NRXN3: variants seen among roughly 807,000 people sequenced by gnomAD.
NRXN3 encodes neurexin III.
A neutral mutation model predicts 137.6 loss-of-function variants in NRXN3; 32 were observed. That is an observed-to-expected ratio of 0.23 (90% confidence interval 0.18 to 0.31). The LOEUF is 0.31. Among genes scored for constraint, NRXN3 ranks in the 10% least tolerant of loss-of-function variants. NRXN3 has a pLI of 1.00. For missense variants in NRXN3, 1,574 were observed against 2,062.5 expected (o/e 0.76, Z 4.59); for synonymous variants, 798 against 784.5 (o/e 1.02, Z -0.29).
At chr14:79,225,013 G>A (rs1050384733) in intron 15 of NRXN3, among the ~76,000 whole-genome samples, 4 of 152,152 alleles carry the variant, frequency 2.6e-5, no homozygotes, top group African/African-American at 9.7e-5. Context: ...AGTCAAGGAG[G>A]CTGCTGAACC....
chr14:79,582,170 T>C (rs1052816638), intron 16 of NRXN3, among the ~76,000 whole-genome samples: 1 of 152,202 alleles, frequency 6.6e-6, no homozygotes, highest in African/African-American at 2.4e-5. Context: ...CTCAAATTCC[T>C]GAGTTCAAGC....
intron 20 of NRXN3, among the ~76,000 whole-genome samples, chr14:79,819,063 G>T (rs966392358): frequency 9.2e-5 from 14 of 152,168 alleles, no homozygotes; most frequent in African/African-American, 3.4e-4. Flanking sequence ...ATGAAAACTG[G>T]CAATACTGTA....
chr14:78,325,644 G>T, intron 4 of NRXN3, among the ~76,000 whole-genome samples: 1 of 151,878 alleles, frequency 6.6e-6, no homozygotes, highest in African/African-American at 2.4e-5. Flanking sequence ...AACATCCAGA[G>T]AACAGTTTGA....
At chr14:78,319,750 G>A (rs1007881696) in intron 4 of NRXN3, among the ~76,000 whole-genome samples, 5 of 152,152 alleles carry the variant, frequency 3.3e-5, no homozygotes, top group African/African-American at 1.2e-4. Flanking sequence ...CTCTGCAAAT[G>A]CAATGTTGGT....
intron 16 of NRXN3, among the ~76,000 whole-genome samples, chr14:79,480,011 A>T (rs933867291): frequency 6.6e-6 from 1 of 152,180 alleles, no homozygotes; most frequent in East Asian, 1.9e-4. Context: ...TAAAAACGCT[A>T]AATGATCTCA....
At chr14:78,806,742 G>A (rs2153088126) in intron 9 of NRXN3, among the ~76,000 whole-genome samples, 1 of 152,274 alleles carries the variant, frequency 6.6e-6, no homozygotes, top group African/African-American at 2.4e-5. Context: ...AAGTTGAGAG[G>A]TTGACTATTG....
chr14:79,377,166 AT>A (rs2094327573), intron 15 of NRXN3, among the ~76,000 whole-genome samples: 2 of 152,350 alleles, frequency 1.3e-5, no homozygotes, highest in African/African-American at 4.8e-5. Context: ...ATAGGAACAT[AT>A]GTGAAAAAGT....
intron 15 of NRXN3, among the ~76,000 whole-genome samples, chr14:79,107,660 G>A (rs1053570844): frequency 3.9e-5 from 6 of 152,086 alleles, no homozygotes; most frequent in Non-Finnish European, 5.9e-5. Context: ...TTTTTGGGTA[G>A]TGCTAACAAC....
At chr14:79,413,788 C>A (rs2095454832) in intron 15 of NRXN3, among the ~76,000 whole-genome samples, 1 of 148,550 alleles carries the variant, frequency 6.7e-6, no homozygotes. Flanking sequence ...AGTGATCATG[C>A]CAGAACTGGG....
rs529429082 is a variant in NRXN3 at position 78,659,484 on chromosome 14, G to A, written c.1221+8158G>A. Among the ~76,000 whole-genome samples, 18 of 152,128 alleles carry A rather than the reference G, an allele frequency of 1.2e-4. No homozygotes were observed. In the South Asian group the frequency reaches 2.7e-3, roughly 23 times the overall value. ...GCTTGAGTCCAGGAGTTGGAGACCA[G>A]CCTGGTAAACTTAAGGAGACTGTGT... On this transcript the variant is annotated intron_variant, in intron 6 of 20. Coordinates refer to ENST00000335750, the MANE Select transcript of NRXN3 (RefSeq NM_001330195.2).
At chr14:78,660,690 GA>G (rs1313126176) in intron 6 of NRXN3, among the ~76,000 whole-genome samples, 2 of 152,144 alleles carry the variant, frequency 1.3e-5, no homozygotes, top group Non-Finnish European at 2.9e-5. Flanking sequence ...TGACATTTTT[GA>G]AGGCCCTGGT....
chr14:78,991,667 A>C (rs2967881), intron 15 of NRXN3, among the ~76,000 whole-genome samples: 12,216 of 152,186 alleles, frequency 0.08, 1,246 homozygotes, highest in African/African-American at 0.24. Context: ...ATGTGTAAAA[A>C]AGTTAATCAT....
intron 4 of NRXN3, among the ~76,000 whole-genome samples, chr14:78,535,121 C>A (rs1253330113): frequency 6.8e-6 from 1 of 147,850 alleles, no homozygotes; most frequent in Non-Finnish European, 1.5e-5. Context: ...TGAAATGTTT[C>A]TGTCTTATCT....
intron 15 of NRXN3, among the ~76,000 whole-genome samples, chr14:79,335,032 C>T (rs569929962): frequency 6.6e-6 from 1 of 152,136 alleles, no homozygotes; most frequent in African/African-American, 2.4e-5. Context: ...TGGAGGTTAC[C>T]CAGCCTCCAT....
chr14:79,330,203 T>C (rs2091479164), intron 15 of NRXN3, among the ~76,000 whole-genome samples: 1 of 152,026 alleles, frequency 6.6e-6, no homozygotes, highest in South Asian at 2.1e-4. Context: ...GATCTGTTAA[T>C]AGACAGATGA....
chr14:78,223,802 C>G (rs2064139505), intron 1 of NRXN3, among the ~76,000 whole-genome samples: 1 of 152,220 alleles, frequency 6.6e-6, no homozygotes, highest in Non-Finnish European at 1.5e-5. Flanking sequence ...TTCTGAAAAT[C>G]AGGCAGTTCC....
chr14:79,547,119 T>C (rs939741256), intron 16 of NRXN3, among the ~76,000 whole-genome samples: 2 of 152,062 alleles, frequency 1.3e-5, no homozygotes, highest in African/African-American at 2.4e-5. Context: ...TAAAAAACAG[T>C]ATGTCCATGC....
At chr14:78,793,602 A>G (rs943936369) in intron 8 of NRXN3, among the ~76,000 whole-genome samples, 7 of 152,202 alleles carry the variant, frequency 4.6e-5, no homozygotes, top group African/African-American at 1.2e-4. Flanking sequence ...TAATTTCTCC[A>G]GCAGTGATGT....
intron 19 of NRXN3, among the ~76,000 whole-genome samples, chr14:79,768,957 C>T (rs1386472330): frequency 6.6e-5 from 10 of 150,988 alleles, no homozygotes; most frequent in South Asian, 6.3e-4. Context: ...AACCAAGGCT[C>T]GAGAACTACG....
Sources: gnomAD v4.1 joint callset for allele counts (sites outside exome capture counted in the v4.1 genomes callset) on GRCh38, gnomAD v4.1.1 for gene constraint, MANE v1.5 for transcripts, NCBI Gene and HGNC (gene_info 2026-07-23, HGNC 2026-07-21) for gene names.